The following PPP1R13L variants were observed in gnomAD, a reference collection of about 807,000 sequenced individuals.
PPP1R13L encodes the protein protein phosphatase 1 regulatory subunit 13 like.
PPP1R13L carries 50 observed loss-of-function variants against 80.9 expected under a neutral mutation model. The observed-to-expected ratio is 0.62, with a 90% CI of 0.49 to 0.78. The LOEUF (loss-of-function observed/expected upper bound fraction) is 0.78. Ranked by LOEUF, PPP1R13L falls within the 30% of genes least tolerant of loss-of-function variation. The probability of loss-of-function intolerance (pLI) is 0.00; values close to 1 mark genes in which losing one functional copy is unlikely to be tolerated. For synonymous variants in PPP1R13L, 602 were observed against 534.3 expected, an observed-to-expected ratio of 1.13 and a Z score of -1.75; for missense variants, 1,200 against 1,205.9, an observed-to-expected ratio of 1.00 and a Z score of 0.07.
At position 45,401,066 on chromosome 19, in the gene PPP1R13L, G is replaced by A. The variant is rs1301145637; in HGVS notation, c.-21-2727C>T. Among the ~76,000 whole-genome samples, 5 of 144,028 alleles carry A rather than the reference G, an allele frequency of 3.5e-5. 1 individual carries two copies. Among genetic ancestry groups the A allele is most frequent in the South Asian group, 2.3e-4 (1 of 4,324 alleles). 94.5% of individuals were successfully genotyped at this position (144,028 alleles called of 152,430 possible). ...GCTGGGATTACAGGCGTGAGCCACCGCGCCCGGCCACCCAGCTAATTTTTT... is the reference window on the plus strand; with the variant it reads ...GCTGGGATTACAGGCGTGAGCCACCACGCCCGGCCACCCAGCTAATTTTTT... On this transcript the variant is annotated intron_variant, in intron 1 of 12. Coordinates refer to ENST00000360957, the MANE Select transcript of PPP1R13L (RefSeq NM_006663.4).
At chr19:45,398,671 A>G (rs530793842) in intron 1 of PPP1R13L, among the ~76,000 whole-genome samples, 73 of 142,148 alleles carry the variant, frequency 5.1e-4, no homozygotes, top group Admixed American at 8.3e-4. Context: ...ATCTTGGCTC[A>G]CTGCAACCTC....
intron 8 of PPP1R13L, among the ~76,000 whole-genome samples, chr19:45,386,393 T>C (rs909701607): frequency 6.6e-6 from 1 of 152,130 alleles, no homozygotes; most frequent in Non-Finnish European, 1.5e-5. Context: ...TTTGAGAATC[T>C]TGGGCCCTGA....
intron 8 of PPP1R13L, among the ~76,000 whole-genome samples, chr19:45,386,785 G>A (rs1006296815): frequency 6.6e-5 from 10 of 151,390 alleles, no homozygotes; most frequent in Admixed American, 6.6e-4. Context: ...ACAGGCATGC[G>A]CCACTATGCC....
In PPP1R13L at chr19:45,385,664, C is replaced by A; in HGVS notation, c.2146G>T (p.Gly716Cys). 6.2e-7 allele frequency: 1 copy of A among 1,612,990 alleles called. No homozygotes were observed. Among genetic ancestry groups the A allele is most frequent in the Non-Finnish European group, 8.5e-7 (1 of 1,179,728 alleles). Residue 716 changes from glycine to cysteine, a missense_variant, in exon 11 of 13, where the codon GGC (glycine) becomes TGC (cysteine). By Grantham distance (159) the Gly-to-Cys change is radical. This residue lies in a region of PPP1R13L where 165 missense variants were observed against 177.1 expected (regional missense o/e 0.93). Coordinates refer to ENST00000360957, the MANE Select transcript of PPP1R13L (RefSeq NM_006663.4). ...AGCGTGGTGGCGAAGATTGCAGCGC[C>A]GTGCTGCACCAGCGCCATGCAGATG... ...TVICMALVQH[G>C]AAIFATTLSD...
In PPP1R13L at chr19:45,398,026, C is replaced by A. The variant is rs372792420; in HGVS notation, c.177G>T (p.Pro59=). The change falls in exon 3 of 13, where the codon CCG becomes CCT. Residue 59 remains proline (P), a synonymous_variant. Transcript: ENST00000360957. Reference sequence around the variant, plus strand: ...TTACCCTAGAAGGGGGTCCGGCCTGCGGGCCAGGAGGCGCGGGAGAGTCTG... The same window carrying A: ...TTACCCTAGAAGGGGGTCCGGCCTGAGGGCCAGGAGGCGCGGGAGAGTCTG... ...LWSDSPAPPG[P]QAGPPSRPPR... 3 of 1,612,754 alleles carry A rather than the reference C, an allele frequency of 1.9e-6. No homozygotes were observed. Among genetic ancestry groups the A allele is most frequent in the Non-Finnish European group, 2.5e-6 (3 of 1,179,072 alleles).
In PPP1R13L at chr19:45,396,703, C is replaced by CG; in HGVS notation, c.553dup (p.Arg185ProfsTer70). On this transcript the variant is annotated frameshift_variant, in exon 4 of 13. Coordinates refer to ENST00000360957, the MANE Select transcript of PPP1R13L (RefSeq NM_006663.4). LOFTEE classifies it high-confidence loss of function. The surrounding 1 kb of genome is among the most constrained non-coding windows in gnomAD (Gnocchi z 5.3). Reference sequence around the variant, plus strand: ...GGGCCCCTCCGCCAGGGGGCTGCCGCGGGGGGAGCCTGCGCGGCCCAGGAA... The same window carrying CG: ...GGGCCCCTCCGCCAGGGGGCTGCCGCGGGGGGGAGCCTGCGCGGCCCAGGAA... 7.1e-7 allele frequency: 1 copy of CG among 1,403,212 alleles called. No homozygotes were observed. The highest frequency in any genetic ancestry group is 9.2e-7 in the Non-Finnish European group (1 of 1,088,174). The allele number at this position is 1,403,212 out of a possible 1,614,324, so 86.9% of individuals were successfully genotyped here.
At position 45,396,434 on chromosome 19, in the gene PPP1R13L, C is replaced by A. The variant is rs763888532; in HGVS notation, c.715G>T (p.Asp239Tyr). 6.2e-7 allele frequency: 1 copy of A among 1,613,990 alleles called. No homozygotes were observed. Among genetic ancestry groups the A allele is most frequent in the East Asian group, 2.2e-5 (1 of 44,876 alleles). Residue 239 changes from aspartate (D) to tyrosine (Y), a missense_variant and splice_region_variant, in exon 5 of 13, where the codon GAC becomes TAC. Transcript: ENST00000360957. This position sits in a 1 kb window ranked among gnomAD's most constrained non-coding sequence, Gnocchi z 5.3. ...AFAPPLRAQD[D>Y]LTLRRRPPKA... ...GGAGGCCGCCGGCGCAGCGTCAGGT[C>A]GTCTGGGGAGAAGTTTCCAGGGAGG... is the stretch of plus-strand genomic sequence containing the variant.
At chr19:45,402,144 G>A (rs1053280700) in intron 1 of PPP1R13L, 3 of 152,036 alleles carry the variant, frequency 2.0e-5, no homozygotes. Context: ...TAAAAACTCG[G>A]GCATTTAGAA....
intron 8 of PPP1R13L, among the ~76,000 whole-genome samples, chr19:45,386,941 GGC>G (rs1180569191): frequency 6.6e-6 from 1 of 150,978 alleles, no homozygotes; most frequent in Admixed American, 6.6e-5. Flanking sequence ...CAGCCTCATG[GGC>G]TTTCTTATTT....
chr19:45,383,954 G>C (rs894179523), intron 11 of PPP1R13L, among the ~76,000 whole-genome samples: 3 of 151,802 alleles, frequency 2.0e-5, no homozygotes, highest in African/African-American at 7.3e-5. Flanking sequence ...TAATAGAGAC[G>C]GGGTTTCACC....
Position 45,386,161 on chromosome 19 carries a change from C to A in PPP1R13L, c.1835G>T (p.Arg612Leu). Reference sequence around the variant, plus strand: ...GGCCTTGCGCGGGGAGCCCGCCTTCCGCAGCACAGAGCGCATCTCCTGGGG... The same window carrying A: ...GGCCTTGCGCGGGGAGCCCGCCTTCAGCAGCACAGAGCGCATCTCCTGGGG... ...PQSMEMRSVL[R>L]KAGSPRKARR... The change falls in exon 9 of 13, where the codon CGG becomes CTG. Residue 612 changes from arginine to leucine, a missense_variant. Arg to Leu is a moderately radical substitution (Grantham distance 102). Coordinates refer to ENST00000360957, the MANE Select transcript of PPP1R13L (RefSeq NM_006663.4). 6.5e-7 allele frequency: 1 copy of A among 1,535,696 alleles called. No individual in the cohort carries two copies. Among genetic ancestry groups the A allele is most frequent in the Non-Finnish European group, 8.7e-7 (1 of 1,155,334 alleles).
Position 45,395,795 on chromosome 19 carries a change from G to A in PPP1R13L, c.995C>T (p.Ser332Leu), listed in dbSNP as rs1179095267. ...GCCCGACGGCCCCGCGGAGCCCAGC[G>A]AGCGCCGGTAGCTGCCCGCGTCTGA... ...RRSDAGSYRR[S>L]LGSAGPSGTL... Residue 332 changes from serine (S) to leucine (L), a missense_variant, in exon 7 of 13, where the codon TCG (serine) becomes TTG (leucine). This residue lies in a region of PPP1R13L where 764 missense variants were observed against 714.5 expected (regional missense o/e 1.07). Coordinates refer to ENST00000360957, the MANE Select transcript of PPP1R13L (RefSeq NM_006663.4). 5 of 1,578,416 alleles carry A rather than the reference G, an allele frequency of 3.2e-6. No homozygotes were observed. The highest frequency in any genetic ancestry group is 4.3e-6 in the Non-Finnish European group (5 of 1,165,438).
At position 45,385,571 on chromosome 19, in the gene PPP1R13L, A is replaced by T; in HGVS notation, c.2239T>A (p.Tyr747Asn). 6.2e-7 allele frequency: 1 copy of T among 1,611,298 alleles called. No homozygotes were observed. Among genetic ancestry groups the T allele is most frequent in the Non-Finnish European group, 8.5e-7 (1 of 1,178,648 alleles). ...YREGYADCAT[Y>N]LADVEQSMGL... ...CAGCCCTGCCTCGCACCTGCCAGGT[A>T]GGTGGCGCAGTCAGCATAACCCTCG... is the stretch of plus-strand genomic sequence containing the variant. Residue 747 changes from tyrosine (Y) to asparagine (N), a missense_variant, in exon 11 of 13, where the codon TAC becomes AAC. By Grantham distance (143) the Tyr-to-Asn change is moderately radical. Around this residue, in one of 5 missense-constraint regions of PPP1R13L, gnomAD observed 165 missense variants for 177.1 expected, o/e 0.93. Transcript: ENST00000360957.
chr19:45,386,283 A>G (rs369661319), intron 8 of PPP1R13L, 103 bp from the exon 9 acceptor site: 5 of 1,361,894 alleles, frequency 3.7e-6, no homozygotes, highest in Middle Eastern at 2.3e-4. Flanking sequence ...ACCCATCTAG[A>G]CAGGGGTAGA....
rs1332577272 is a variant in PPP1R13L at position 45,395,808 on chromosome 19, T to C, written c.982A>G (p.Ser328Gly). 11 of 1,587,166 alleles carry C rather than the reference T, an allele frequency of 6.9e-6. No individual in the cohort carries two copies. The highest frequency in any genetic ancestry group is 9.4e-6 in the Non-Finnish European group (11 of 1,169,276). ...GCGGAGCCCAGCGAGCGCCGGTAGC[T>C]GCCCGCGTCTGAACGCCGGTCGCTG... is the stretch of plus-strand genomic sequence containing the variant. ...LASDRRSDAG[S>G]YRRSLGSAGP... Residue 328 changes from serine (S) to glycine (G), a missense_variant, in exon 7 of 13, where the codon AGC (serine) becomes GGC (glycine). Coordinates refer to ENST00000360957, the MANE Select transcript of PPP1R13L (RefSeq NM_006663.4).
In PPP1R13L at chr19:45,396,880, T is replaced by G; in HGVS notation, c.377A>C (p.Tyr126Ser). 6.5e-7 allele frequency: 1 copy of G among 1,527,208 alleles called. No homozygotes were observed. Among genetic ancestry groups the G allele is most frequent in the Non-Finnish European group, 8.7e-7 (1 of 1,145,612 alleles). 94.6% of individuals were successfully genotyped at this position (1,527,208 alleles called of 1,614,324 possible). ...GRPSSPRTPL[Y>S]LQPDAYGSLD... ...GCTGCCGTAGGCGTCCGGCTGCAGGTAGAGCGGGGTGCGCGGCGACGACGG... is the reference window on the plus strand; with the variant it reads ...GCTGCCGTAGGCGTCCGGCTGCAGGGAGAGCGGGGTGCGCGGCGACGACGG... Residue 126 changes from tyrosine (Y) to serine (S), a missense_variant, in exon 4 of 13, where the codon TAC becomes TCC. Tyr to Ser is a moderately radical substitution (Grantham distance 144, BLOSUM62 -2). Around this residue, in one of 5 missense-constraint regions of PPP1R13L, gnomAD observed 764 missense variants for 714.5 expected, o/e 1.07. Coordinates refer to ENST00000360957, the MANE Select transcript of PPP1R13L (RefSeq NM_006663.4). The surrounding 1 kb of genome is among the most constrained non-coding windows in gnomAD (Gnocchi z 5.3).
rs1323067194 is a variant in PPP1R13L, at chr19:45,392,345, C to A, written c.1355-5G>T. 3.7e-6 allele frequency: 6 copies of A among 1,612,942 alleles called. No homozygotes were observed. Among genetic ancestry groups the A allele is most frequent in the Non-Finnish European group, 4.2e-6 (5 of 1,179,940 alleles). On this transcript the variant is annotated splice_region_variant and splice_polypyrimidine_tract_variant and intron_variant, in intron 7 of 12. Transcript: ENST00000360957. ...CGGTGGGGGGTTTGGGGGGTCCTAG[C>A]CGGAACAAGAGCCCATCAGAGGACA...
intron 11 of PPP1R13L, among the ~76,000 whole-genome samples, chr19:45,383,822 C>T (rs1405282082): frequency 6.6e-6 from 1 of 150,902 alleles, no homozygotes; most frequent in Non-Finnish European, 1.5e-5. Flanking sequence ...AGTGCAGTGG[C>T]GCGATTTCGG....
upstream of PPP1R13L, chr19:45,406,059 C>A (rs1973348587): frequency 6.5e-6 from 1 of 154,800 alleles, no homozygotes. The surrounding 1 kb of genome is among the most constrained non-coding windows in gnomAD (Gnocchi z 4.2). Context: ...GTGTGGGGCT[C>A]CTGGGTCCGA....
Sources: allele counts gnomAD v4.1 joint callset (sites outside exome capture counted in the v4.1 genomes callset), GRCh38; gene constraint gnomAD v4.1.1; regional missense constraint gnomAD v4.1.1; non-coding constraint Gnocchi (gnomAD v3.1); transcripts MANE v1.5; gene names NCBI Gene and HGNC (gene_info 2026-07-23, HGNC 2026-07-21).